RANBP2: variants seen among roughly 807,000 people sequenced by gnomAD.
RANBP2 encodes RAN binding protein 2.
A neutral mutation model predicts 303.6 loss-of-function variants in RANBP2; 57 were observed. That is an observed-to-expected ratio of 0.19 (90% CI 0.15 to 0.23). The LOEUF (loss-of-function observed/expected upper bound fraction) is 0.23. Ranked by LOEUF, RANBP2 falls within the 10% of genes least tolerant of loss-of-function variation. The pLI, the probability that RANBP2 is intolerant of heterozygous loss-of-function variation, is 1.00. For synonymous variants in RANBP2, 1,167 were observed against 1,301.5 expected (o/e 0.90, Z 2.23); for missense variants, 3,138 against 3,780.8 (o/e 0.83, Z 4.46).
the RANBP2 span, among the ~76,000 whole-genome samples, chr2:109,153,342 T>C: frequency 6.6e-6 from 1 of 152,200 alleles, no homozygotes; most frequent in African/African-American, 2.4e-5. Context: ...TTTTTCTCTC[T>C]TCTTCTTAGT....
the RANBP2 span, among the ~76,000 whole-genome samples, chr2:109,539,819 G>GC: frequency 6.6e-6 from 1 of 152,214 alleles, no homozygotes; most frequent in African/African-American, 2.4e-5. Flanking sequence ...GTAGCCTTCT[G>GC]CATCTGGCTT....
the RANBP2 span, among the ~76,000 whole-genome samples, chr2:109,656,504 AT>A: frequency 6.6e-6 from 1 of 151,978 alleles, no homozygotes; most frequent in East Asian, 1.9e-4. Context: ...TGTCCAGCTA[AT>A]TTTTTTGTAG....
the RANBP2 span, among the ~76,000 whole-genome samples, chr2:108,833,597 A>G: frequency 9.6e-4 from 147 of 152,354 alleles, no homozygotes; most frequent in African/African-American, 3.3e-3. Flanking sequence ...TAAAAGGACA[A>G]ATGGTAAATA....
chr2:109,731,083 C>T, the RANBP2 span, among the ~76,000 whole-genome samples: 10 of 152,080 alleles, frequency 6.6e-5, no homozygotes, highest in Admixed American at 3.3e-4. Flanking sequence ...CCACCGCGCC[C>T]GGCCAAGGGG....
the RANBP2 span, among the ~76,000 whole-genome samples, chr2:109,272,196 T>A: frequency 2.6e-5 from 4 of 152,226 alleles, no homozygotes; most frequent in Admixed American, 6.5e-5. Context: ...CACAGCCCTC[T>A]GCAATGACTG....
the RANBP2 span, among the ~76,000 whole-genome samples, chr2:109,016,596 G>A: frequency 6.6e-6 from 1 of 152,298 alleles, no homozygotes; most frequent in South Asian, 2.1e-4. Flanking sequence ...GTGCTCGTGA[G>A]CTTCAAACCT....
At chr2:109,249,436 C>G in the RANBP2 span, among the ~76,000 whole-genome samples, 1 of 151,746 alleles carries the variant, frequency 6.6e-6, no homozygotes, top group Admixed American at 6.6e-5. Flanking sequence ...CCCTTCCCTC[C>G]TGCACCAGAT....
chr2:108,722,037 AT>A (rs754633212), intron 1 of RANBP2, among the ~76,000 whole-genome samples: 3,855 of 136,420 alleles, frequency 0.028, 74 homozygotes, highest in Non-Finnish European at 0.041. Flanking sequence ...GCTCAGCCTG[AT>A]TTTTTTTTTT....
the RANBP2 span, among the ~76,000 whole-genome samples, chr2:109,629,203 AAAAT>A: frequency 9.1e-4 from 108 of 118,394 alleles, 1 homozygote; most frequent in African/African-American, 2.4e-3. Flanking sequence ...CTCCGTCTCA[AAAAT>A]AAATAAATAA....
At chr2:109,764,527 G>A in the RANBP2 span, among the ~76,000 whole-genome samples, 3 of 149,892 alleles carry the variant, frequency 2.0e-5, no homozygotes, top group Non-Finnish European at 2.9e-5. Context: ...TGAGTAAGGC[G>A]TAGGTTGTAC....
chr2:108,787,913 G>A (rs1190547095), downstream of RANBP2: 2 of 836,684 alleles, frequency 2.4e-6, no homozygotes, highest in Non-Finnish European at 3.6e-6. Flanking sequence ...GGTTAAGATG[G>A]TGTCTACAAG....
chr2:109,616,253 TC>T, the RANBP2 span: 2 of 916,428 alleles, frequency 2.2e-6, no homozygotes, highest in Non-Finnish European at 3.0e-6. Context: ...TTTCAGAGAT[TC>T]ATCATACCTT....
chr2:109,197,167 T>A, the RANBP2 span, among the ~76,000 whole-genome samples: 12 of 152,322 alleles, frequency 7.9e-5, no homozygotes, highest in South Asian at 2.1e-4. Flanking sequence ...GCTGCAGCCC[T>A]GCGGCCCAGG....
the RANBP2 span, among the ~76,000 whole-genome samples, chr2:109,150,087 G>A: frequency 6.6e-6 from 1 of 152,156 alleles, no homozygotes; most frequent in Admixed American, 6.5e-5. Flanking sequence ...CCAGTGCTGG[G>A]GTGAGCAGCA....
the RANBP2 span, among the ~76,000 whole-genome samples, chr2:109,365,051 A>AAAACAAACAAACAAAC: frequency 4.8e-3 from 723 of 151,598 alleles, 2 homozygotes; most frequent in African/African-American, 0.016. Context: ...ACACACATAT[A>AAAACAAACAAACAAAC]AAACAAACAA....
At chr2:109,143,403 A>C in the RANBP2 span, among the ~76,000 whole-genome samples, 1 of 152,192 alleles carries the variant, frequency 6.6e-6, no homozygotes. Context: ...TCACAGGGCC[A>C]ATATCTGAAA....
chr2:109,381,917 C>A, the RANBP2 span, among the ~76,000 whole-genome samples: 1 of 152,078 alleles, frequency 6.6e-6, no homozygotes, highest in Non-Finnish European at 1.5e-5. Flanking sequence ...GTACGTAACA[C>A]ACATCTCATG....
chr2:108,898,942 A>C, the RANBP2 span, among the ~76,000 whole-genome samples: 1 of 152,190 alleles, frequency 6.6e-6, no homozygotes, highest in Non-Finnish European at 1.5e-5. Context: ...TTATAACAGA[A>C]GAGCTAACAT....
the RANBP2 span, among the ~76,000 whole-genome samples, chr2:108,973,657 G>C: frequency 6.6e-6 from 1 of 152,150 alleles, no homozygotes; most frequent in Non-Finnish European, 1.5e-5. Flanking sequence ...TCCAGGGGTC[G>C]TGTGTCCTAG....
Sources: allele counts gnomAD v4.1 joint callset (sites outside exome capture counted in the v4.1 genomes callset), GRCh38; gene constraint gnomAD v4.1.1; transcripts MANE v1.5; gene names NCBI Gene and HGNC (gene_info 2026-07-23, HGNC 2026-07-21).